Variants in MBNL1 observed in about 807,000 individuals in gnomAD.
MBNL1 encodes the protein muscleblind-like protein 1.
Under a neutral mutation model 42.2 loss-of-function variants are expected in MBNL1, and 8 were observed. The ratio of observed to expected loss-of-function variants is 0.19; its 90% CI spans 0.11 to 0.34. MBNL1 has a LOEUF of 0.34. Among genes scored for constraint, MBNL1 ranks in the 10% least tolerant of loss-of-function variants. The pLI is 1.00. For missense variants in MBNL1, 309 were observed against 495.3 expected, an observed-to-expected ratio of 0.62 and a Z score of 3.57; for synonymous variants, 169 against 173.9, an observed-to-expected ratio of 0.97 and a Z score of 0.22.
chr3:152,436,804 C>A (rs2099083908), intron 4 of MBNL1, among the ~76,000 whole-genome samples: 1 of 152,118 alleles, frequency 6.6e-6, no homozygotes, highest in Non-Finnish European at 1.5e-5. Flanking sequence ...TGTCTGTTTT[C>A]TTTTGCTGTA....
At chr3:152,400,279 A>C (rs2098157259) in intron 2 of MBNL1, among the ~76,000 whole-genome samples, 1 of 152,082 alleles carries the variant, frequency 6.6e-6, no homozygotes, top group Non-Finnish European at 1.5e-5. Flanking sequence ...CTTACTTGAA[A>C]ATTTATAATA....
At chr3:152,326,807 T>C (rs2080558954) in intron 2 of MBNL1, among the ~76,000 whole-genome samples, 1 of 151,064 alleles carries the variant, frequency 6.6e-6, no homozygotes, top group African/African-American at 2.4e-5. Context: ...ATTTATTTAT[T>C]TATTTATTTA....
In MBNL1 at chr3:152,281,224, G is replaced by A. The variant is rs74494389; in HGVS notation, c.-790+12132G>A. On this transcript the variant is annotated intron_variant, in intron 1 of 9. Transcript: ENST00000324210. ...TGAGGCTTGGAAAGATTAAGGTTAG[G>A]GGATTTGCTCAAGGGTCATATGATA... is the stretch of plus-strand genomic sequence containing the variant. Among the ~76,000 whole-genome samples, 203 of 152,216 alleles carry A rather than the reference G, an allele frequency of 1.3e-3. 3 individuals carry two copies. The East Asian group carries it at 0.031, about 23-fold the overall frequency.
intron 2 of MBNL1, among the ~76,000 whole-genome samples, chr3:152,251,065 A>G (rs2034448302): frequency 6.6e-6 from 1 of 152,154 alleles, no homozygotes; most frequent in Admixed American, 6.6e-5. Context: ...AATCCAGCAT[A>G]TAAACAGAGA....
intron 2 of MBNL1, among the ~76,000 whole-genome samples, chr3:152,403,687 A>G (rs1459728515): frequency 6.6e-6 from 1 of 152,164 alleles, no homozygotes; most frequent in African/African-American, 2.4e-5. Context: ...AGACAGGCTC[A>G]GATAACCTGT....
chr3:152,421,354 C>T (rs1001169035), intron 3 of MBNL1, among the ~76,000 whole-genome samples: 5 of 152,110 alleles, frequency 3.3e-5, no homozygotes, highest in Admixed American at 2.0e-4. Context: ...GCCAGGGAGC[C>T]GAGTGTTCTT....
At chr3:152,378,911 T>A (rs531958295) in intron 2 of MBNL1, among the ~76,000 whole-genome samples, 2 of 152,016 alleles carry the variant, frequency 1.3e-5, no homozygotes, top group South Asian at 4.1e-4. Context: ...AGATCAGGTG[T>A]CACTATGTTG....
At chr3:152,274,353 A>G (rs1413719496) in intron 1 of MBNL1, among the ~76,000 whole-genome samples, 2 of 152,176 alleles carry the variant, frequency 1.3e-5, no homozygotes, top group African/African-American at 2.4e-5. Context: ...AAATCTACCA[A>G]ACTTAATCAA....
chr3:152,364,854 C>T (rs1175739001), intron 2 of MBNL1, among the ~76,000 whole-genome samples: 1 of 151,160 alleles, frequency 6.6e-6, no homozygotes, highest in Non-Finnish European at 1.5e-5. Context: ...TATTTTGTGA[C>T]TTGTCCTGCT....
intron 3 of MBNL1, among the ~76,000 whole-genome samples, chr3:152,419,587 A>G (rs1290832355): frequency 2.6e-5 from 4 of 152,220 alleles, no homozygotes; most frequent in Non-Finnish European, 5.9e-5. Context: ...ACCGCAGACT[A>G]GGAGATTCCC....
At chr3:152,418,669 A>G (rs973233812) in intron 3 of MBNL1, among the ~76,000 whole-genome samples, 2 of 150,776 alleles carry the variant, frequency 1.3e-5, no homozygotes, top group African/African-American at 4.9e-5. Context: ...TTCCTCAACA[A>G]ATGGTGAAAA....
intron 1 of MBNL1, among the ~76,000 whole-genome samples, chr3:152,288,582 A>T (rs918532508): frequency 1.3e-5 from 2 of 152,190 alleles, no homozygotes; most frequent in African/African-American, 4.8e-5. Context: ...AATGTATTAA[A>T]AAAAGCATTA....
rs181660106 is a variant in MBNL1, at chr3:152,409,340, T to C, written c.175-5601T>C. Among the ~76,000 whole-genome samples the C allele has an allele frequency of 2.6e-4, 39 of 152,270 alleles. 1 individual carries two copies. Among genetic ancestry groups the C allele is most frequent in the African/African-American group, 9.1e-4 (38 of 41,560 alleles). On this transcript the variant is annotated intron_variant, in intron 2 of 9. Transcript: ENST00000324210. ...GTGTTTATTCACCCAGGCATTAGAATTGATAACTAAAAAGCATGGCAGAGC... is the reference window on the plus strand; with the variant it reads ...GTGTTTATTCACCCAGGCATTAGAACTGATAACTAAAAAGCATGGCAGAGC...
chr3:152,447,524 C>T, intron 5 of MBNL1, 96 bp from the exon 6 acceptor site: 2 of 849,936 alleles, frequency 2.4e-6, no homozygotes, highest in Admixed American at 2.4e-5. Flanking sequence ...TGCTTGCTTG[C>T]TCATGCTTCC....
At position 152,333,385 on chromosome 3, in the gene MBNL1, A is replaced by T. The variant is rs180970958; in HGVS notation, c.174+33018A>T. The stretch of plus-strand genomic sequence containing the variant: ...TAAGTTTGTGTGCATATTTGTACAC[A>T]GTTAGGTTTTTGGAAAAAGACAGGG... On this transcript the variant is annotated intron_variant, in intron 2 of 9. Coordinates refer to ENST00000324210, the MANE Select transcript of MBNL1 (RefSeq NM_021038.5). Among the ~76,000 whole-genome samples, 5 of 152,210 alleles carry T rather than the reference A, an allele frequency of 3.3e-5. No individual in the cohort carries two copies. The East Asian group carries it at 9.7e-4, about 29-fold the overall frequency.
chr3:152,251,028 G>T (rs1437873061), intron 2 of MBNL1, among the ~76,000 whole-genome samples: 1 of 152,040 alleles, frequency 6.6e-6, no homozygotes, highest in Admixed American at 6.6e-5. Context: ...TGCAAGGCTG[G>T]TTCAATATAC....
chr3:152,317,447 G>T (rs2072674772), intron 2 of MBNL1, among the ~76,000 whole-genome samples: 1 of 151,960 alleles, frequency 6.6e-6, no homozygotes, highest in African/African-American at 2.4e-5. Flanking sequence ...AATCTCCTGA[G>T]TATCTGGGAT....
intron 2 of MBNL1, among the ~76,000 whole-genome samples, chr3:152,406,315 C>T (rs2098425264): frequency 1.3e-5 from 2 of 152,134 alleles, no homozygotes; most frequent in South Asian, 4.1e-4. Context: ...ACAAGCAACT[C>T]TAAATAGAAG....
intron 2 of MBNL1, among the ~76,000 whole-genome samples, chr3:152,328,405 ATTAT>A (rs2081874167): frequency 6.6e-6 from 1 of 152,084 alleles, no homozygotes; most frequent in African/African-American, 2.4e-5. Context: ...AATATAGGTA[ATTAT>A]TTAAGTAATT....
Sources: gnomAD v4.1 joint callset for allele counts (sites outside exome capture counted in the v4.1 genomes callset) on GRCh38, gnomAD v4.1.1 for gene constraint, MANE v1.5 for transcripts, NCBI Gene and HGNC (gene_info 2026-07-23, HGNC 2026-07-21) for gene names.